FAM168A: variants seen among roughly 807,000 people sequenced by gnomAD.
FAM168A encodes the protein protein FAM168A.
FAM168A carries 3 observed loss-of-function variants against 28.5 expected under a neutral mutation model. The observed-to-expected ratio is 0.11, with a 90% CI of 0.05 to 0.27. FAM168A has a LOEUF of 0.27. Among genes scored for constraint, FAM168A ranks in the 10% least tolerant of loss-of-function variants. FAM168A has a pLI of 1.00. For missense variants in FAM168A, 222 were observed against 311.5 expected, an observed-to-expected ratio of 0.71 and a Z score of 2.16; for synonymous variants, 122 against 124.2, an observed-to-expected ratio of 0.98 and a Z score of 0.12.
intron 3 of FAM168A, among the ~76,000 whole-genome samples, chr11:73,425,857 T>C (rs540129307): frequency 6.6e-6 from 1 of 152,174 alleles, no homozygotes; most frequent in East Asian, 1.9e-4. Flanking sequence ...AATCTACTGG[T>C]TTTTAGCTGT....
In FAM168A at chr11:73,406,506, G is replaced by C. The variant is rs1267342865; in HGVS notation, c.*257C>G. 2.6e-5 allele frequency: 4 copies of C among 152,448 alleles called. No individual in the cohort carries two copies. Among genetic ancestry groups the C allele is most frequent in the African/African-American group, 4.8e-5 (2 of 41,442 alleles). 9.4% of individuals were successfully genotyped at this position (152,448 alleles called of 1,614,324 possible). On this transcript the variant is annotated 3_prime_UTR_variant, in exon 8 of 8. Coordinates refer to ENST00000356467, the MANE Select transcript of FAM168A (RefSeq NM_015159.3). ...GAGAGGACATGGCCTGGTCAGGTAGGAGGAAGGGGATAGAGCTGGAAGGGC... is the reference window on the plus strand; with the variant it reads ...GAGAGGACATGGCCTGGTCAGGTAGCAGGAAGGGGATAGAGCTGGAAGGGC...
intron 1 of FAM168A, among the ~76,000 whole-genome samples, chr11:73,513,640 T>A (rs895220464): frequency 6.6e-6 from 1 of 152,138 alleles, no homozygotes; most frequent in East Asian, 1.9e-4. Context: ...ACATTAGACG[T>A]CACATCCTGG....
intron 1 of FAM168A, among the ~76,000 whole-genome samples, chr11:73,519,691 G>A (rs1457685305): frequency 1.3e-5 from 2 of 152,096 alleles, no homozygotes; most frequent in Non-Finnish European, 2.9e-5. Flanking sequence ...AAAAAAGCTT[G>A]ACAGGCTCTC....
At chr11:73,455,819 T>C (rs1474611072) in intron 2 of FAM168A, among the ~76,000 whole-genome samples, 2 of 152,226 alleles carry the variant, frequency 1.3e-5, no homozygotes, top group African/African-American at 4.8e-5. Context: ...GGAGCAGATC[T>C]CTACTGGAGG....
rs892987871 is a variant in FAM168A, at chr11:73,448,022, T to A, written c.71-17252A>T. 2.6e-5 allele frequency among the ~76,000 whole-genome samples: 4 copies of A among 152,280 alleles called. No individual in the cohort carries two copies. In the East Asian group the frequency reaches 7.7e-4, roughly 29 times the overall value. ...ATGCTAATAATAAAATCCAGTATTA[T>A]TACTTATGTGTCAAGTTACTTTTTG... On this transcript the variant is annotated intron_variant, in intron 2 of 7. Transcript: ENST00000356467.
rs771043751 is a variant in FAM168A at position 73,430,734 on chromosome 11, T to C, written c.107A>G (p.Tyr36Cys). The part of the protein sequence containing the change: ...PTAYPAAAPA[Y>C]NPSLYPTNSP... ...ATTGGTGGGGTACAGGCTGGGATTGTAGGCAGGGGCAGCTGCTGGATAGGC... is the reference window on the plus strand; with the variant it reads ...ATTGGTGGGGTACAGGCTGGGATTGCAGGCAGGGGCAGCTGCTGGATAGGC... Residue 36 changes from tyrosine (Y) to cysteine (C), a missense_variant, in exon 3 of 8, where the codon TAC (tyrosine) becomes TGC (cysteine). Physicochemically the swap from Tyr to Cys is radical, Grantham distance 194 (BLOSUM62 -2). This residue lies in a region of FAM168A where 153 missense variants were observed against 189.2 expected (regional missense o/e 0.81). Transcript: ENST00000356467. 1.9e-6 allele frequency: 3 copies of C among 1,613,544 alleles called. No individual in the cohort carries two copies. Among genetic ancestry groups the C allele is most frequent in the Non-Finnish European group, 2.5e-6 (3 of 1,179,670 alleles).
chr11:73,517,673 T>C (rs1943323063), intron 1 of FAM168A, among the ~76,000 whole-genome samples: 1 of 152,172 alleles, frequency 6.6e-6, no homozygotes, highest in South Asian at 2.1e-4. Context: ...AACTCAGAAG[T>C]GTCTTTTATA....
At chr11:73,487,965 C>G (rs1868075516) in intron 1 of FAM168A, among the ~76,000 whole-genome samples, 1 of 152,142 alleles carries the variant, frequency 6.6e-6, no homozygotes, top group Admixed American at 6.5e-5. Flanking sequence ...CCCTCTATCA[C>G]TTGTATTGAC....
chr11:73,430,805 G>A, intron 2 of FAM168A, 35 bp from the exon 3 acceptor site: 1 of 1,494,756 alleles, frequency 6.7e-7, no homozygotes, highest in Non-Finnish European at 9.0e-7. Context: ...ATTTAGTTAG[G>A]CAAAAAAAAC....
Position 73,407,657 on chromosome 11 carries a change from G to A in FAM168A, c.596-14C>T, listed in dbSNP as rs1420363335. ...TCAGCAGGGTACCTGAGCATCCAGA[G>A]AGAGAAGAGTAACCTGACGAGGCTG... On this transcript the variant is annotated splice_polypyrimidine_tract_variant and intron_variant, in intron 6 of 7. Coordinates refer to ENST00000356467, the MANE Select transcript of FAM168A (RefSeq NM_015159.3). 1 of 1,604,146 alleles carries A rather than the reference G, an allele frequency of 6.2e-7. No homozygotes were observed. The highest frequency in any genetic ancestry group is 1.7e-5 in the Admixed American group (1 of 59,104).
intron 1 of FAM168A, among the ~76,000 whole-genome samples, chr11:73,488,286 G>A (rs1027387072): frequency 3.3e-5 from 5 of 151,674 alleles, no homozygotes; most frequent in African/African-American, 7.3e-5. Flanking sequence ...GCCTGCCACC[G>A]TACTTGGCTA....
chr11:73,487,365 C>G (rs1342640215), intron 1 of FAM168A, among the ~76,000 whole-genome samples: 2 of 152,092 alleles, frequency 1.3e-5, no homozygotes, highest in Admixed American at 1.3e-4. Context: ...GATTTTCTCT[C>G]ACTTCTCACC....
chr11:73,424,482 T>TATC (rs762740762), intron 3 of FAM168A, among the ~76,000 whole-genome samples: 9 of 151,914 alleles, frequency 5.9e-5, no homozygotes, highest in Non-Finnish European at 1.0e-4. Context: ...GTCCCTCATT[T>TATC]ATCAGCACGC....
chr11:73,553,704 G>A (rs1325107778), intron 1 of FAM168A, among the ~76,000 whole-genome samples: 2 of 152,146 alleles, frequency 1.3e-5, no homozygotes, highest in Non-Finnish European at 2.9e-5. Flanking sequence ...ATACCTGGCC[G>A]GGCGCAGTGG....
chr11:73,534,921 T>C (rs1943558745), intron 1 of FAM168A, among the ~76,000 whole-genome samples: 1 of 152,116 alleles, frequency 6.6e-6, no homozygotes, highest in Non-Finnish European at 1.5e-5. Flanking sequence ...AAGAAGACTG[T>C]AAGTGAAATG....
chr11:73,451,507 G>A (rs1867429117), intron 2 of FAM168A, among the ~76,000 whole-genome samples: 1 of 152,174 alleles, frequency 6.6e-6, no homozygotes, highest in Non-Finnish European at 1.5e-5. Flanking sequence ...ATAGCAATGG[G>A]TATTACTAAA....
intron 1 of FAM168A, among the ~76,000 whole-genome samples, chr11:73,554,891 C>T (rs1360250072): frequency 6.6e-6 from 1 of 152,130 alleles, no homozygotes; most frequent in African/African-American, 2.4e-5. Flanking sequence ...AAGAAGATGG[C>T]AAGCTAAGAC....
intron 2 of FAM168A, among the ~76,000 whole-genome samples, chr11:73,447,202 A>AT (rs1423436103): frequency 6.6e-6 from 1 of 152,122 alleles, no homozygotes; most frequent in Non-Finnish European, 1.5e-5. Context: ...CCTTCTGGTT[A>AT]TTATTCCCTT....
At chr11:73,594,500 G>A (rs2134751884) in intron 1 of FAM168A, among the ~76,000 whole-genome samples, 1 of 152,126 alleles carries the variant, frequency 6.6e-6, no homozygotes, top group East Asian at 1.9e-4. Context: ...ACAATGTTTT[G>A]CAGCCATTAC....
Sources: allele counts gnomAD v4.1 joint callset (sites outside exome capture counted in the v4.1 genomes callset), GRCh38; gene constraint gnomAD v4.1.1; regional missense constraint gnomAD v4.1.1; transcripts MANE v1.5; gene names NCBI Gene and HGNC (gene_info 2026-07-23, HGNC 2026-07-21).